SLC5A4: variants seen among roughly 807,000 people sequenced by gnomAD.
SLC5A4 encodes solute carrier family 5 member 4, also known as probable glucose sensor protein SLC5A4.
A neutral mutation model predicts 70.3 loss-of-function variants in SLC5A4; 55 were observed. The observed-to-expected ratio is 0.78, with a 90% confidence interval of 0.63 to 0.98. The LOEUF (loss-of-function observed/expected upper bound fraction) is 0.98, where lower values mean the gene tolerates loss of function less well. SLC5A4 is among the 50% of genes least tolerant of loss of function. The pLI, the probability that SLC5A4 is intolerant of heterozygous loss-of-function variation, is 0.00. For missense variants in SLC5A4, 735 were observed against 839.2 expected (o/e 0.88, Z 1.53); for synonymous variants, 268 against 305.7 (o/e 0.88, Z 1.29).
chr22:32,349,660 T>G, the SLC5A4 span, among the ~76,000 whole-genome samples: 2 of 152,252 alleles, frequency 1.3e-5, no homozygotes, highest in African/African-American at 4.8e-5. Context: ...GCATTAGAGC[T>G]TCTATTTTTC....
chr22:32,330,134 AGG>A, the SLC5A4 span, among the ~76,000 whole-genome samples: 2 of 71,720 alleles, frequency 2.8e-5, no homozygotes, highest in Admixed American at 4.3e-4. Context: ...CTGATGTGTC[AGG>A]GGGGCTCTGT....
At chr22:32,245,053 G>A (rs1477518823) in intron 5 of SLC5A4, among the ~76,000 whole-genome samples, 1 of 152,140 alleles carries the variant, frequency 6.6e-6, no homozygotes, top group African/African-American at 2.4e-5. Flanking sequence ...TTAGATAATA[G>A]TTTATATCAA....
chr22:32,319,251 A>T, the SLC5A4 span, among the ~76,000 whole-genome samples: 1 of 151,738 alleles, frequency 6.6e-6, no homozygotes, highest in Non-Finnish European at 1.5e-5. Flanking sequence ...AACTCACACC[A>T]TGGGTTCTCC....
chr22:32,342,174 A>G, the SLC5A4 span, among the ~76,000 whole-genome samples: 146 of 152,360 alleles, frequency 9.6e-4, no homozygotes, highest in African/African-American at 3.2e-3. Context: ...CTAATGCTAC[A>G]CATTATAACT....
At chr22:32,308,754 A>G in the SLC5A4 span, among the ~76,000 whole-genome samples, 14 of 136,180 alleles carry the variant, frequency 1.0e-4, 1 homozygote, top group African/African-American at 3.0e-4. Flanking sequence ...AGATCTACCT[A>G]TGAAATCACA....
intron 5 of SLC5A4, among the ~76,000 whole-genome samples, chr22:32,240,797 T>C (rs1287533767): frequency 6.6e-6 from 1 of 152,186 alleles, no homozygotes; most frequent in African/African-American, 2.4e-5. Context: ...AGATAGAAAG[T>C]GGTAAGCTCA....
At chr22:32,246,925 G>A (rs1316797838) in intron 5 of SLC5A4, among the ~76,000 whole-genome samples, 1 of 152,092 alleles carries the variant, frequency 6.6e-6, no homozygotes, top group Admixed American at 6.6e-5. Context: ...GTCTTAGATA[G>A]AGTGAACTTA....
the SLC5A4 span, among the ~76,000 whole-genome samples, chr22:32,340,084 G>A: frequency 6.6e-6 from 1 of 152,212 alleles, no homozygotes; most frequent in Non-Finnish European, 1.5e-5. Flanking sequence ...GAGTTCACCA[G>A]ACCTTAGTTC....
the SLC5A4 span, among the ~76,000 whole-genome samples, chr22:32,287,391 T>G: frequency 0.28 from 42,796 of 151,962 alleles, 6,053 homozygotes; most frequent in African/African-American, 0.32. Context: ...AACGAGGGTA[T>G]GAGCTTTCAC....
the SLC5A4 span, among the ~76,000 whole-genome samples, chr22:32,314,748 G>T: frequency 1.3e-5 from 2 of 152,156 alleles, no homozygotes; most frequent in African/African-American, 4.8e-5. Context: ...CATGGCTGGG[G>T]AGGCCTCACA....
intron 1 of SLC5A4, 109 bp from the exon 2 acceptor site, chr22:32,254,322 G>T: frequency 1.4e-6 from 1 of 739,486 alleles, no homozygotes. Context: ...CTCCTACAGA[G>T]AGAAACATTT....
chr22:32,334,468 C>T, the SLC5A4 span, among the ~76,000 whole-genome samples: 1 of 152,146 alleles, frequency 6.6e-6, no homozygotes, highest in Non-Finnish European at 1.5e-5. Context: ...GCCTTGTGTC[C>T]CCCCACTGCC....
chr22:32,220,296 C>T (rs977850317), intron 14 of SLC5A4, among the ~76,000 whole-genome samples: 3 of 152,144 alleles, frequency 2.0e-5, no homozygotes, highest in South Asian at 2.1e-4. Flanking sequence ...TGACTCTTCA[C>T]TTTGAAGAAA....
At chr22:32,317,694 G>A in the SLC5A4 span, among the ~76,000 whole-genome samples, 1,903 of 152,208 alleles carry the variant, frequency 0.013, 31 homozygotes, top group African/African-American at 0.042. Context: ...TTGATCTCCT[G>A]GCCTCAAGCA....
intron 5 of SLC5A4, among the ~76,000 whole-genome samples, chr22:32,242,467 T>C (rs1263573447): frequency 6.6e-6 from 1 of 152,140 alleles, no homozygotes; most frequent in Non-Finnish European, 1.5e-5. Context: ...CCCAGCACTT[T>C]GGGAGGCCAA....
chr22:32,230,026 G>A (rs906086649), intron 10 of SLC5A4, among the ~76,000 whole-genome samples: 1 of 152,142 alleles, frequency 6.6e-6, no homozygotes, highest in African/African-American at 2.4e-5. Context: ...TAAGTCTTTG[G>A]AGGGGCAAAG....
chr22:32,226,474 T>C (rs1348201165), intron 11 of SLC5A4, among the ~76,000 whole-genome samples: 1 of 152,184 alleles, frequency 6.6e-6, no homozygotes, highest in Non-Finnish European at 1.5e-5. Flanking sequence ...CATTCATCTC[T>C]CTCTGCTCAC....
the SLC5A4 span, among the ~76,000 whole-genome samples, chr22:32,305,914 C>G: frequency 1.3e-5 from 2 of 151,766 alleles, no homozygotes; most frequent in Non-Finnish European, 1.5e-5. Flanking sequence ...CCTCTCTGAC[C>G]TTGCCCCTGC....
At chr22:32,250,444 A>G (rs1927075943) in intron 3 of SLC5A4, among the ~76,000 whole-genome samples, 1 of 152,146 alleles carries the variant, frequency 6.6e-6, no homozygotes, top group African/African-American at 2.4e-5. Flanking sequence ...GCTTGAGCCC[A>G]GGAGGTCAGT....
Sources: gnomAD v4.1 joint callset for allele counts (sites outside exome capture counted in the v4.1 genomes callset) on GRCh38, gnomAD v4.1.1 for gene constraint, MANE v1.5 for transcripts, NCBI Gene and HGNC (gene_info 2026-07-23, HGNC 2026-07-21) for gene names.